Variants in ROBO1 observed in about 807,000 individuals in gnomAD.
ROBO1 encodes roundabout guidance receptor 1.
Under a neutral mutation model 195.9 loss-of-function variants are expected in ROBO1, and 149 were observed. That is an observed-to-expected ratio of 0.76 (90% CI 0.67 to 0.87). The LOEUF (loss-of-function observed/expected upper bound fraction) is 0.87, where lower values mean the gene tolerates loss of function less well. Among genes scored for constraint, ROBO1 ranks in the 40% least tolerant of loss-of-function variants. ROBO1 has a pLI of 0.00. For synonymous variants in ROBO1, 816 were observed against 733.2 expected (o/e 1.11, Z -1.82); for missense variants, 1,933 against 2,068.3 (o/e 0.93, Z 1.27).
At chr3:78,989,645 T>C (rs2077190591) in intron 3 of ROBO1, among the ~76,000 whole-genome samples, 1 of 151,960 alleles carries the variant, frequency 6.6e-6, no homozygotes, top group Non-Finnish European at 1.5e-5. Flanking sequence ...AGTAAGAAAT[T>C]AACTATTTTT....
intron 3 of ROBO1, among the ~76,000 whole-genome samples, chr3:79,066,993 G>C (rs1431120718): frequency 2.0e-5 from 3 of 151,816 alleles, no homozygotes; most frequent in Non-Finnish European, 4.4e-5. Context: ...ATATTGCCAG[G>C]AAATGCATAA....
Position 79,366,509 on chromosome 3 carries a change from G to T in ROBO1, c.88+223315C>A, listed in dbSNP as rs148395239. ...ATAAAATTCACAACTTCAGCTCCAT[G>T]TTAAAAGTCCCTTATCTTAGTGCTC... is the stretch of plus-strand genomic sequence containing the variant. On this transcript the variant is annotated intron_variant, in intron 2 of 30. Coordinates refer to ENST00000464233, the MANE Select transcript of ROBO1 (RefSeq NM_002941.4). Among the ~76,000 whole-genome samples, 523 of 152,170 alleles carry T rather than the reference G, an allele frequency of 3.4e-3. 2 individuals are homozygous for T. The highest frequency in any genetic ancestry group is 0.012 in the African/African-American group (499 of 41,514).
In ROBO1 at chr3:79,708,232, T is replaced by C. The variant is rs1375068680; in HGVS notation, c.-51+59520A>G. Among the ~76,000 whole-genome samples the C allele has an allele frequency of 2.0e-5, 3 of 152,258 alleles. No homozygotes were observed. In the East Asian group the frequency reaches 5.8e-4, roughly 29 times the overall value. On this transcript the variant is annotated intron_variant, in intron 1 of 30. Transcript: ENST00000464233. Reference sequence around the variant, plus strand: ...GATTAAAGTAACATTCTTATCAAGATTGGGAAGTGAGATGGAGAGGATTCT... The same window carrying C: ...GATTAAAGTAACATTCTTATCAAGACTGGGAAGTGAGATGGAGAGGATTCT...
rs1340027311 is a variant in ROBO1, at chr3:78,658,036, A to G, written c.2443-767T>C. Among the ~76,000 whole-genome samples the G allele has an allele frequency of 2.0e-5, 3 of 152,216 alleles. No homozygotes were observed. In the East Asian group the frequency reaches 5.8e-4, roughly 29 times the overall value. ...ATGAGAACATAAAGAATAGCAATAC[A>G]TATTTGATGTGAAAAAAGCATTCTT... On this transcript the variant is annotated intron_variant, in intron 17 of 30. Transcript: ENST00000464233.
intron 2 of ROBO1, among the ~76,000 whole-genome samples, chr3:79,245,113 A>T (rs2082600203): frequency 6.6e-6 from 1 of 152,070 alleles, no homozygotes; most frequent in African/African-American, 2.4e-5. Flanking sequence ...TTATGTGTAT[A>T]TATTTTAAAC....
chr3:79,569,111 T>A (rs568337891), intron 2 of ROBO1, among the ~76,000 whole-genome samples: 57 of 148,932 alleles, frequency 3.8e-4, no homozygotes, highest in African/African-American at 1.3e-3. Flanking sequence ...CAGACACGCA[T>A]GCGCGTGCAC....
At chr3:79,297,608 G>A (rs1311368645) in intron 2 of ROBO1, among the ~76,000 whole-genome samples, 1 of 152,064 alleles carries the variant, frequency 6.6e-6, no homozygotes, top group Non-Finnish European at 1.5e-5. Flanking sequence ...CATTTGAGTT[G>A]TTTTGATTTA....
chr3:79,170,263 A>G (rs1432977893), intron 2 of ROBO1, among the ~76,000 whole-genome samples: 1 of 152,166 alleles, frequency 6.6e-6, no homozygotes, highest in Non-Finnish European at 1.5e-5. Context: ...TAAGGACTCC[A>G]TCAGTTAACA....
chr3:79,088,570 A>G (rs1243800161), intron 3 of ROBO1, among the ~76,000 whole-genome samples: 1 of 152,162 alleles, frequency 6.6e-6, no homozygotes, highest in Non-Finnish European at 1.5e-5. Context: ...CAGGAAAGGT[A>G]AGAAGCACAT....
chr3:79,082,719 A>G (rs1453168283), intron 3 of ROBO1, among the ~76,000 whole-genome samples: 1 of 151,946 alleles, frequency 6.6e-6, no homozygotes, highest in East Asian at 1.9e-4. Flanking sequence ...GTTACCCTCA[A>G]ATCTCTCCCC....
chr3:78,817,646 A>G (rs1163650437), intron 4 of ROBO1, among the ~76,000 whole-genome samples: 2 of 152,214 alleles, frequency 1.3e-5, no homozygotes, highest in Non-Finnish European at 2.9e-5. Flanking sequence ...TAAGAAGAGA[A>G]AATTTAAAGC....
chr3:78,813,242 GCA>G (rs10526078), intron 4 of ROBO1, among the ~76,000 whole-genome samples: 94,273 of 150,420 alleles, frequency 0.63, 29,629 homozygotes, highest in East Asian at 0.75. Flanking sequence ...AGTTTTACAT[GCA>G]CACACACACA....
At chr3:78,676,825 C>T (rs531870305) in intron 10 of ROBO1, among the ~76,000 whole-genome samples, 30 of 152,130 alleles carry the variant, frequency 2.0e-4, no homozygotes, top group East Asian at 5.8e-4. Flanking sequence ...ATACAGAGAA[C>T]GCCACAAATA....
At chr3:79,328,359 G>A (rs911098208) in intron 2 of ROBO1, among the ~76,000 whole-genome samples, 12 of 152,098 alleles carry the variant, frequency 7.9e-5, no homozygotes, top group African/African-American at 2.6e-4. Context: ...AAGAACATTC[G>A]CTAAATATCA....
At chr3:79,293,479 G>A (rs566799955) in intron 2 of ROBO1, among the ~76,000 whole-genome samples, 101 of 152,010 alleles carry the variant, frequency 6.6e-4, no homozygotes, top group Non-Finnish European at 1.1e-3. Flanking sequence ...TAAGACTGTC[G>A]ATTTTAGATC....
intron 1 of ROBO1, among the ~76,000 whole-genome samples, chr3:79,630,442 C>T (rs1373960768): frequency 6.6e-6 from 1 of 151,908 alleles, no homozygotes; most frequent in Non-Finnish European, 1.5e-5. Flanking sequence ...AATCCAACAC[C>T]CTCTCATGTT....
chr3:78,799,018 G>A (rs193027510), intron 4 of ROBO1, among the ~76,000 whole-genome samples: 1 of 152,228 alleles, frequency 6.6e-6, no homozygotes, highest in Non-Finnish European at 1.5e-5. Context: ...GAATCAGCTT[G>A]GATGATTTTA....
chr3:79,472,652 T>C (rs1368400751), intron 2 of ROBO1, among the ~76,000 whole-genome samples: 1 of 152,124 alleles, frequency 6.6e-6, no homozygotes, highest in Non-Finnish European at 1.5e-5. Flanking sequence ...ACTAATTTTT[T>C]GGGGACATTC....
chr3:79,431,382 G>T (rs1359434549), intron 2 of ROBO1, among the ~76,000 whole-genome samples: 1 of 152,012 alleles, frequency 6.6e-6, no homozygotes, highest in Non-Finnish European at 1.5e-5. Flanking sequence ...CCGTGCAAGT[G>T]GTCCCCCAAG....
Sources: gnomAD v4.1 joint callset for allele counts (sites outside exome capture counted in the v4.1 genomes callset) on GRCh38, gnomAD v4.1.1 for gene constraint, MANE v1.5 for transcripts, NCBI Gene and HGNC (gene_info 2026-07-23, HGNC 2026-07-21) for gene names.